EPHA5: variants seen among roughly 807,000 people sequenced by gnomAD.
EPHA5 encodes the protein ephrin type-A receptor 5.
EPHA5 carries 60 observed loss-of-function variants against 105.0 expected under a neutral mutation model. That is an observed-to-expected ratio of 0.57 (90% confidence interval 0.46 to 0.71). The LOEUF is 0.71. Ranked by LOEUF, EPHA5 falls within the 30% of genes least tolerant of loss-of-function variation. The pLI is 0.00. For missense variants in EPHA5, 1,218 were observed against 1,274.7 expected, an observed-to-expected ratio of 0.96 and a Z score of 0.68; for synonymous variants, 513 against 449.1, an observed-to-expected ratio of 1.14 and a Z score of -1.80.
At chr4:65,446,331 T>A (rs967385475) in intron 5 of EPHA5, among the ~76,000 whole-genome samples, 1 of 152,222 alleles carries the variant, frequency 6.6e-6, no homozygotes, top group Non-Finnish European at 1.5e-5. Context: ...AACTTATTTG[T>A]TCATTTAATC....
chr4:65,561,907 G>A (rs1304760326), intron 3 of EPHA5, among the ~76,000 whole-genome samples: 2 of 152,028 alleles, frequency 1.3e-5, no homozygotes, highest in Non-Finnish European at 2.9e-5. Context: ...AGAAGAATTT[G>A]TCTAGACTCG....
intron 14 of EPHA5, among the ~76,000 whole-genome samples, chr4:65,342,321 A>G (rs1202246390): frequency 2.6e-5 from 4 of 152,100 alleles, no homozygotes; most frequent in African/African-American, 4.8e-5. Flanking sequence ...TCCTTAAAAG[A>G]TGAATATTCT....
At position 65,323,334 on chromosome 4, in the gene EPHA5, A is replaced by G. The variant is rs1418570580; in HGVS notation, c.*780T>C. The G allele has an allele frequency of 4.4e-6, 1 of 229,800 alleles. No homozygotes were observed. Among genetic ancestry groups the G allele is most frequent in the Admixed American group, 5.7e-5 (1 of 17,576 alleles). 14.2% of individuals were successfully genotyped at this position (229,800 alleles called of 1,614,324 possible). A position where few individuals can be genotyped will look rare whatever the true frequency, so the allele number is the denominator to read the frequency against. The stretch of plus-strand genomic sequence containing the variant: ...TTGCTCCTATATGTTGCTAAAATTG[A>G]AACACTATTAGAAATGCAAGCAGAA... On this transcript the variant is annotated 3_prime_UTR_variant, in exon 17 of 17. Transcript: ENST00000613740.
intron 3 of EPHA5, among the ~76,000 whole-genome samples, chr4:65,538,764 A>G (rs1282998559): frequency 6.6e-6 from 1 of 151,770 alleles, no homozygotes; most frequent in East Asian, 1.9e-4. Flanking sequence ...TAACTTGGGC[A>G]GATTGGATAT....
intron 6 of EPHA5, among the ~76,000 whole-genome samples, chr4:65,419,203 C>T (rs1723700442): frequency 1.3e-5 from 2 of 151,872 alleles, no homozygotes; most frequent in Non-Finnish European, 2.9e-5. Context: ...TTTATCTATG[C>T]ATGTATATAT....
chr4:65,489,659 C>T (rs1381286133), intron 5 of EPHA5, among the ~76,000 whole-genome samples: 1 of 152,132 alleles, frequency 6.6e-6, no homozygotes, highest in African/African-American at 2.4e-5. Context: ...CGGTTTTTAT[C>T]TTACCAGGAA....
chr4:65,502,572 G>A (rs562416880), intron 3 of EPHA5, among the ~76,000 whole-genome samples: 1 of 151,838 alleles, frequency 6.6e-6, no homozygotes, highest in Non-Finnish European at 1.5e-5. Flanking sequence ...TAGTCACTAT[G>A]GTCATTATTT....
intron 2 of EPHA5, among the ~76,000 whole-genome samples, chr4:65,611,014 A>G (rs1474145786): frequency 2.6e-5 from 4 of 152,178 alleles, no homozygotes; most frequent in African/African-American, 9.6e-5. Flanking sequence ...GAAGGTTTAC[A>G]TAGTTGGTGA....
chr4:65,351,027 C>T (rs1449783820), intron 13 of EPHA5, among the ~76,000 whole-genome samples: 1 of 82,840 alleles, frequency 1.2e-5, no homozygotes, highest in Non-Finnish European at 2.7e-5. Context: ...CAGACACATA[C>T]ATACTATATA....
chr4:65,548,257 T>A, intron 3 of EPHA5, among the ~76,000 whole-genome samples: 1 of 88,808 alleles, frequency 1.1e-5, no homozygotes, highest in Non-Finnish European at 2.6e-5. Context: ...TTGAAAAACC[T>A]ATTTTAAAAT....
chr4:65,351,341 T>G (rs1284185094), intron 13 of EPHA5, 48 bp downstream of exon 13: 1 of 1,503,174 alleles, frequency 6.7e-7, no homozygotes, highest in Admixed American at 1.9e-5. Context: ...TCTTTAAAAA[T>G]AAATGGCTCT....
At chr4:65,331,921 C>A (rs2148797537) in intron 16 of EPHA5, 52 bp downstream of exon 16, 1 of 1,556,302 alleles carries the variant, frequency 6.4e-7, no homozygotes, top group Non-Finnish European at 8.7e-7. Flanking sequence ...GGTTTTTGAA[C>A]AATTTTTCTT....
At chr4:65,569,503 T>C (rs1167158703) in intron 3 of EPHA5, among the ~76,000 whole-genome samples, 1 of 151,720 alleles carries the variant, frequency 6.6e-6, no homozygotes, top group African/African-American at 2.4e-5. Flanking sequence ...TTTTCAAATG[T>C]ATTTCCTTAA....
chr4:65,322,721 G>A lies in EPHA5; in HGVS notation c.*1393C>T, dbSNP rs1719733537. 1 of 225,912 alleles carries A rather than the reference G, an allele frequency of 4.4e-6. No homozygotes were observed. Among genetic ancestry groups the A allele is most frequent in the African/African-American group, 2.2e-5 (1 of 44,942 alleles). The allele number at this position is 225,912 out of a possible 1,614,324, so 14.0% of individuals were successfully genotyped here. On this transcript the variant is annotated 3_prime_UTR_variant, in exon 17 of 17. Coordinates refer to ENST00000613740, the MANE Select transcript of EPHA5 (RefSeq NM_001281766.3). ...TTCAATAAAATAAACTCAAAGCCATGTAACTGAATACAAACTGAAATTAAC... is the reference window on the plus strand; with the variant it reads ...TTCAATAAAATAAACTCAAAGCCATATAACTGAATACAAACTGAAATTAAC...
At chr4:65,569,886 T>G (rs114725948) in intron 3 of EPHA5, among the ~76,000 whole-genome samples, 1 of 151,712 alleles carries the variant, frequency 6.6e-6, no homozygotes, top group Admixed American at 6.6e-5. Context: ...CATCTAGAGT[T>G]CAATCAAATA....
chr4:65,577,759 A>C (rs1578477625), intron 3 of EPHA5, among the ~76,000 whole-genome samples: 1 of 152,282 alleles, frequency 6.6e-6, no homozygotes, highest in East Asian at 1.9e-4. Context: ...ATATCAGTAG[A>C]TATCCAGCCA....
At chr4:65,398,990 A>T (rs1721534516) in intron 8 of EPHA5, among the ~76,000 whole-genome samples, 1 of 152,286 alleles carries the variant, frequency 6.6e-6, no homozygotes, top group African/African-American at 2.4e-5. Context: ...GCTGTAACAA[A>T]CAGGGCTAAA....
At chr4:65,457,108 A>G (rs945643751) in intron 5 of EPHA5, among the ~76,000 whole-genome samples, 32 of 152,212 alleles carry the variant, frequency 2.1e-4, no homozygotes, top group African/African-American at 7.5e-4. Flanking sequence ...CATACTTTCA[A>G]TTGTGAACTG....
At chr4:65,467,157 T>A (rs889439683) in intron 5 of EPHA5, among the ~76,000 whole-genome samples, 3 of 152,202 alleles carry the variant, frequency 2.0e-5, no homozygotes, top group Non-Finnish European at 4.4e-5. Flanking sequence ...AAGAGATTAC[T>A]TTGTTTTCTA....
Sources: allele counts gnomAD v4.1 joint callset (sites outside exome capture counted in the v4.1 genomes callset), GRCh38; gene constraint gnomAD v4.1.1; transcripts MANE v1.5; gene names NCBI Gene and HGNC (gene_info 2026-07-23, HGNC 2026-07-21).